The following LIM2 variants were observed in gnomAD, a reference collection of about 807,000 sequenced individuals.
LIM2 encodes the protein lens fiber membrane intrinsic protein.
Under a neutral mutation model 19.0 loss-of-function variants are expected in LIM2, and 14 were observed. That is an observed-to-expected ratio of 0.74 (90% confidence interval 0.49 to 1.15). LIM2 has a LOEUF of 1.15. Among genes scored for constraint, LIM2 ranks in the 50% most tolerant of loss-of-function variants. The probability of loss-of-function intolerance (pLI) is 0.00; values close to 1 mark genes in which losing one functional copy is unlikely to be tolerated. For missense variants in LIM2, 230 were observed against 243.5 expected (o/e 0.94, Z 0.37); for synonymous variants, 78 against 89.6 (o/e 0.87, Z 0.73).
At chr19:51,386,914 C>A (rs1987068497) in intron 2 of LIM2, among the ~76,000 whole-genome samples, 1 of 152,090 alleles carries the variant, frequency 6.6e-6, no homozygotes, top group Non-Finnish European at 1.5e-5. Flanking sequence ...CTACTTTATG[C>A]AGTATTTAGC....
At position 51,380,136 on chromosome 19, in the gene LIM2, C is replaced by T; in HGVS notation, c.*65G>A. The T allele has an allele frequency of 6.7e-7, 1 of 1,485,152 alleles. No homozygotes were observed. The highest frequency in any genetic ancestry group is 9.3e-7 in the Non-Finnish European group (1 of 1,069,702). The allele number at this position is 1,485,152 out of a possible 1,614,324, so 92.0% of individuals were successfully genotyped here. A position where few individuals can be genotyped will look rare whatever the true frequency, so the allele number is the denominator to read the frequency against. On this transcript the variant is annotated 3_prime_UTR_variant, in exon 5 of 5. Transcript: ENST00000596399. ...GGAACCAGGATTTCAGGCCTCTAGA[C>T]CCTCCTCCTCCTCTTCAGTGGCCTC...
chr19:51,383,121 A>G (rs1479292442), intron 2 of LIM2, among the ~76,000 whole-genome samples: 1 of 128,368 alleles, frequency 7.8e-6, no homozygotes, highest in Admixed American at 1.1e-4. Context: ...TGCAGCCTCC[A>G]CCTCTGAGGT....
At chr19:51,385,577 A>G (rs1189783495) in intron 2 of LIM2, among the ~76,000 whole-genome samples, 1 of 152,128 alleles carries the variant, frequency 6.6e-6, no homozygotes, top group Non-Finnish European at 1.5e-5. Context: ...GACCTTCACC[A>G]AGGCTCCCTG....
At chr19:51,382,322 A>C in intron 3 of LIM2, 96 bp downstream of exon 3, 2 of 1,398,574 alleles carry the variant, frequency 1.4e-6, no homozygotes. Flanking sequence ...GAGTGTGAGG[A>C]GGAGTAAGGG....
At position 51,387,693 on chromosome 19, in the gene LIM2, C is replaced by T. The variant is rs1228787240; in HGVS notation, c.-7+226G>A. 2.6e-5 allele frequency among the ~76,000 whole-genome samples: 4 copies of T among 152,030 alleles called. 1 individual carries two copies. The highest frequency in any genetic ancestry group is 9.7e-5 in the African/African-American group (4 of 41,388). ...GGGGCTGGGTTCTGGGAAGAAAAGG[C>T]CGGGGGCCTGGACTTCCAGGTTCTG... On this transcript the variant is annotated intron_variant, in intron 1 of 4. Coordinates refer to ENST00000596399, the MANE Select transcript of LIM2 (RefSeq NM_001161748.2).
chr19:51,387,549 T>G, intron 1 of LIM2, 100 bp from the exon 2 acceptor site: 1 of 1,536,680 alleles, frequency 6.5e-7, no homozygotes, highest in Non-Finnish European at 8.8e-7. Flanking sequence ...GCCAAGTGCT[T>G]GGGAGAAGGA....
chr19:51,386,323 CT>C (rs1987040989), intron 2 of LIM2, among the ~76,000 whole-genome samples: 1 of 150,740 alleles, frequency 6.6e-6, no homozygotes, highest in Non-Finnish European at 1.5e-5. Context: ...CGGGTTTCAC[CT>C]TTTTTGCCAG....
intron 3 of LIM2, 22 bp downstream of exon 3, chr19:51,382,396 G>A: frequency 2.5e-6 from 4 of 1,613,430 alleles, no homozygotes; most frequent in African/African-American, 2.7e-5. Context: ...GAGAGGGGTA[G>A]GGAGAGGGTG....
At chr19:51,382,031 A>G (rs765493680) in intron 3 of LIM2, among the ~76,000 whole-genome samples, 1 of 152,150 alleles carries the variant, frequency 6.6e-6, no homozygotes, top group Admixed American at 6.5e-5. Flanking sequence ...CCCGGCCTCC[A>G]GCAAATTTTT....
chr19:51,387,505 G>T, intron 1 of LIM2, 56 bp from the exon 2 acceptor site: 1 of 1,607,962 alleles, frequency 6.2e-7, no homozygotes, highest in African/African-American at 1.3e-5. Flanking sequence ...CTTGAAGGGA[G>T]GAACTGGGGG....
intron 3 of LIM2, 35 bp downstream of exon 3, chr19:51,382,383 G>C (rs1014126767): frequency 1.2e-6 from 2 of 1,611,770 alleles, no homozygotes; most frequent in African/African-American, 2.7e-5. Flanking sequence ...AGATGAGAGC[G>C]AGGAGAGGGG....
intron 2 of LIM2, among the ~76,000 whole-genome samples, chr19:51,384,764 C>A (rs1230643314): frequency 6.6e-6 from 1 of 152,178 alleles, no homozygotes; most frequent in African/African-American, 2.4e-5. Context: ...CTAATTCAGG[C>A]TGGTCACAGC....
intron 3 of LIM2, among the ~76,000 whole-genome samples, chr19:51,381,324 A>G (rs1163237727): frequency 6.6e-6 from 1 of 152,132 alleles, no homozygotes; most frequent in Non-Finnish European, 1.5e-5. Flanking sequence ...CTCCATCTCA[A>G]AAAAGGAGAA....
intron 2 of LIM2, 65 bp downstream of exon 2, chr19:51,387,204 T>C: frequency 6.2e-7 from 1 of 1,614,228 alleles, no homozygotes; most frequent in Non-Finnish European, 8.5e-7. Flanking sequence ...ACAGGTGTCC[T>C]TGGGCCCCGA....
chr19:51,387,905 C>A lies in LIM2; in HGVS notation c.-7+14G>T. 1 of 210,258 alleles carries A rather than the reference C, an allele frequency of 4.8e-6. No homozygotes were observed. Among genetic ancestry groups the A allele is most frequent in the South Asian group, 7.4e-5 (1 of 13,568 alleles). The allele number at this position is 210,258 out of a possible 1,614,324, so 13.0% of individuals were successfully genotyped here. A position where few individuals can be genotyped will look rare whatever the true frequency, so the allele number is the denominator to read the frequency against. On this transcript the variant is annotated intron_variant, in intron 1 of 4. Coordinates refer to ENST00000596399, the MANE Select transcript of LIM2 (RefSeq NM_001161748.2). ...GGGGAAGAGGGGGCTACAGGTCTCA[C>A]GCCTGGTGCCTACCTGAGTGGCAGA...
rs752887005 is a variant in LIM2, at chr19:51,387,363, G to A, written c.81C>T (p.His27=). The part of the protein sequence containing the change: ...ILLVVAMATD[H]WMQYRLSGSF... ...ACCCTGACAGCCGGTACTGCATCCA[G>A]TGGTCTGTTGCCATGGCCACCACCA... The change falls in exon 2 of 5, where the codon CAC becomes CAT. Residue 27 remains histidine (H), a synonymous_variant. Transcript: ENST00000596399. 10 of 1,614,096 alleles carry A rather than the reference G, an allele frequency of 6.2e-6. No individual in the cohort carries two copies. Among genetic ancestry groups the A allele is most frequent in the Middle Eastern group, 1.6e-4 (1 of 6,080 alleles).
rs902445379 is a variant in LIM2, at chr19:51,385,132, G to C, written c.175+2137C>G. On this transcript the variant is annotated intron_variant, in intron 2 of 4. Coordinates refer to ENST00000596399, the MANE Select transcript of LIM2 (RefSeq NM_001161748.2). ...CTACCTCAGCCTCCCGAAGTGCTGG[G>C]ATTCCAGGCTGAGCCACCACGTCCA... 1.8e-4 allele frequency among the ~76,000 whole-genome samples: 28 copies of C among 151,786 alleles called. No homozygotes were observed. The Middle Eastern group carries it at 0.014, about 74-fold the overall frequency.
At chr19:51,384,782 G>A (rs1296046141) in intron 2 of LIM2, among the ~76,000 whole-genome samples, 1 of 152,040 alleles carries the variant, frequency 6.6e-6, no homozygotes, top group Non-Finnish European at 1.5e-5. Context: ...AGCGGCTCAG[G>A]CCTGGAATCC....
At chr19:51,381,111 G>A (rs892410114) in intron 3 of LIM2, among the ~76,000 whole-genome samples, 1 of 152,078 alleles carries the variant, frequency 6.6e-6, no homozygotes, top group African/African-American at 2.4e-5. Flanking sequence ...AGGAGATCAA[G>A]ATCAGCCTGG....
Sources: allele counts gnomAD v4.1 joint callset (sites outside exome capture counted in the v4.1 genomes callset), GRCh38; gene constraint gnomAD v4.1.1; transcripts MANE v1.5; gene names NCBI Gene and HGNC (gene_info 2026-07-23, HGNC 2026-07-21).